PLCL2: variants seen among roughly 807,000 people sequenced by gnomAD.
PLCL2 encodes inactive phospholipase C-like protein 2.
A neutral mutation model predicts 79.6 loss-of-function variants in PLCL2; 4 were observed. That is an observed-to-expected ratio of 0.05 (90% CI 0.02 to 0.11). The LOEUF (loss-of-function observed/expected upper bound fraction) is 0.11. Ranked by LOEUF, PLCL2 falls within the 10% of genes least tolerant of loss-of-function variation. PLCL2 has a pLI of 1.00. For synonymous variants in PLCL2, 484 were observed against 457.7 expected (o/e 1.06, Z -0.73); for missense variants, 895 against 1,291.0 (o/e 0.69, Z 4.70).
At chr3:17,045,119 T>C (rs2064767203) in intron 4 of PLCL2, among the ~76,000 whole-genome samples, 1 of 152,196 alleles carries the variant, frequency 6.6e-6, no homozygotes, top group African/African-American at 2.4e-5. Context: ...CATATAGTCA[T>C]TAGTCATATG....
Position 16,964,263 on chromosome 3 carries a change from A to G in PLCL2, c.328-45411A>G, listed in dbSNP as rs969901560. Among the ~76,000 whole-genome samples, 5 of 147,492 alleles carry G rather than the reference A, an allele frequency of 3.4e-5. No individual in the cohort carries two copies. In the South Asian group the frequency reaches 6.4e-4, roughly 19 times the overall value. On this transcript the variant is annotated intron_variant, in intron 1 of 5. Transcript: ENST00000615277. ...TCAGTTGCCACCTGTGAGTGAGAAC[A>G]TGCGGTGTTTGGTTTTCTGTCCTTG...
intron 4 of PLCL2, among the ~76,000 whole-genome samples, chr3:17,043,815 G>A (rs532261986): frequency 1.3e-3 from 205 of 152,058 alleles, no homozygotes; most frequent in African/African-American, 4.6e-3. Context: ...ATTCATATTA[G>A]TGACTAATCA....
chr3:16,893,216 A>G (rs1696392327), intron 1 of PLCL2, among the ~76,000 whole-genome samples: 1 of 152,148 alleles, frequency 6.6e-6, no homozygotes, highest in African/African-American at 2.4e-5. Flanking sequence ...TGGATTAGAA[A>G]TTCTTTTAGG....
chr3:16,904,350 C>A (rs1290929608), intron 1 of PLCL2, among the ~76,000 whole-genome samples: 1 of 149,164 alleles, frequency 6.7e-6, no homozygotes. Flanking sequence ...TTAACACTTA[C>A]GTTTACTGGT....
intron 1 of PLCL2, among the ~76,000 whole-genome samples, chr3:16,927,865 T>C (rs188988724): frequency 1.3e-3 from 192 of 152,356 alleles, no homozygotes; most frequent in Non-Finnish European, 1.9e-3. Flanking sequence ...GAAACCCTTA[T>C]TTAGACAACA....
At chr3:17,003,353 G>C (rs1201403161) in intron 1 of PLCL2, among the ~76,000 whole-genome samples, 1 of 152,148 alleles carries the variant, frequency 6.6e-6, no homozygotes, top group Non-Finnish European at 1.5e-5. Context: ...TGTACCACTG[G>C]CTTCAAATTT....
intron 1 of PLCL2, among the ~76,000 whole-genome samples, chr3:16,944,326 T>TG (rs2063581523): frequency 6.6e-6 from 1 of 152,152 alleles, no homozygotes; most frequent in African/African-American, 2.4e-5. Flanking sequence ...CATTTTTCAA[T>TG]GGGGAGCCAG....
At chr3:17,008,568 T>C (rs1427726666) in intron 1 of PLCL2, among the ~76,000 whole-genome samples, 1 of 152,000 alleles carries the variant, frequency 6.6e-6, no homozygotes, top group Non-Finnish European at 1.5e-5. Flanking sequence ...CAATCTGCAT[T>C]GTAACCAGGT....
rs563021425 is a variant in PLCL2, at chr3:17,047,208, A to T, written c.3094+4259A>T. ...AAAGAAGGAAGGAATCAAGGGGCAA[A>T]AGCTGCCACAGGAACTGAGGATGTT... On this transcript the variant is annotated intron_variant, in intron 4 of 5. Coordinates refer to ENST00000615277, the MANE Select transcript of PLCL2 (RefSeq NM_001144382.2). Among the ~76,000 whole-genome samples, 47 of 152,312 alleles carry T rather than the reference A, an allele frequency of 3.1e-4. No homozygotes were observed. In the South Asian group the frequency reaches 9.7e-3, roughly 32 times the overall value.
chr3:16,913,689 ATATATT>A (rs1696930689), intron 1 of PLCL2, among the ~76,000 whole-genome samples: 1 of 152,120 alleles, frequency 6.6e-6, no homozygotes, highest in Non-Finnish European at 1.5e-5. Flanking sequence ...GAATATATAA[ATATATT>A]TATGTATGTG....
At chr3:17,015,046 A>G (rs979369293) in intron 3 of PLCL2, 135 bp downstream of exon 3, 75 of 685,890 alleles carry the variant, frequency 1.1e-4, no homozygotes, top group Middle Eastern at 8.0e-4. Context: ...TGGAGAAGTA[A>G]TTCCCCTGAC....
chr3:16,980,541 G>A (rs1466595500), intron 1 of PLCL2, among the ~76,000 whole-genome samples: 4 of 151,618 alleles, frequency 2.6e-5, no homozygotes, highest in Admixed American at 6.5e-5. Context: ...GACGATGGGC[G>A]GCCGGGCAGA....
chr3:16,919,599 C>G (rs1697076343), intron 1 of PLCL2, among the ~76,000 whole-genome samples: 1 of 151,784 alleles, frequency 6.6e-6, no homozygotes, highest in Admixed American at 6.6e-5. Context: ...ATTCTTTTTG[C>G]TATTTTTCTG....
At chr3:16,979,452 G>A (rs545150724) in intron 1 of PLCL2, among the ~76,000 whole-genome samples, 2 of 97,024 alleles carry the variant, frequency 2.1e-5, no homozygotes, top group Admixed American at 1.0e-4. Flanking sequence ...GTGAACAAAG[G>A]TCTCTGGTTT....
At chr3:17,082,149 T>TTTG (rs2065168826) in intron 5 of PLCL2, among the ~76,000 whole-genome samples, 1 of 149,242 alleles carries the variant, frequency 6.7e-6, no homozygotes, top group Non-Finnish European at 1.5e-5. Context: ...GTTTTTTTTT[T>TTTG]TTTTTTTTTT....
intron 4 of PLCL2, among the ~76,000 whole-genome samples, chr3:17,052,260 G>C (rs375815930): frequency 6.7e-6 from 1 of 150,354 alleles, no homozygotes; most frequent in African/African-American, 2.4e-5. Flanking sequence ...AAAATTGGGG[G>C]GGGGTGAAGG....
chr3:16,894,573 G>A (rs182113878), intron 1 of PLCL2, among the ~76,000 whole-genome samples: 13 of 152,236 alleles, frequency 8.5e-5, no homozygotes, highest in Admixed American at 5.2e-4. Context: ...TGAATGCTAG[G>A]TGCTCTAAAT....
At chr3:17,060,681 G>A (rs901904161) in intron 4 of PLCL2, among the ~76,000 whole-genome samples, 1 of 152,114 alleles carries the variant, frequency 6.6e-6, no homozygotes, top group African/African-American at 2.4e-5. Flanking sequence ...TCTAAGTAGT[G>A]TGATATCATA....
chr3:16,992,670 T>C (rs537383118), intron 1 of PLCL2, among the ~76,000 whole-genome samples: 2 of 152,282 alleles, frequency 1.3e-5, no homozygotes, highest in Middle Eastern at 3.4e-3. Context: ...GGTGGCCACA[T>C]TGTCCTCCCC....
Sources: allele counts gnomAD v4.1 joint callset (sites outside exome capture counted in the v4.1 genomes callset), GRCh38; gene constraint gnomAD v4.1.1; transcripts MANE v1.5; gene names NCBI Gene and HGNC (gene_info 2026-07-23, HGNC 2026-07-21).